The following DAB1 variants were observed in gnomAD, a reference collection of about 807,000 sequenced individuals.
DAB1 encodes the protein disabled homolog 1.
DAB1 carries 15 observed loss-of-function variants against 64.6 expected under a neutral mutation model. That is an observed-to-expected ratio of 0.23 (90% CI 0.16 to 0.36). The LOEUF is 0.36. Ranked by LOEUF, DAB1 falls within the 10% of genes least tolerant of loss-of-function variation. The probability of loss-of-function intolerance (pLI) is 1.00; values close to 1 mark genes in which losing one functional copy is unlikely to be tolerated. For missense variants in DAB1, 596 were observed against 706.7 expected, an observed-to-expected ratio of 0.84 and a Z score of 1.78; for synonymous variants, 235 against 251.9, an observed-to-expected ratio of 0.93 and a Z score of 0.64.
At chr1:57,424,091 A>T (rs1234315809), upstream of DAB1, 12 of 151,620 alleles carry the variant, frequency 7.9e-5, no homozygotes, top group Non-Finnish European at 1.2e-4. Context: ...GCCCCGCGTC[A>T]GAGTAGGGGG....
rs574727735 is a variant in DAB1, at chr1:57,148,602, C to T, written c.68-3173G>A. On this transcript the variant is annotated intron_variant, in intron 2 of 14. Transcript: ENST00000371236. ...GAATCCCAGACTATGTTACTGAAAA[C>T]ACCACTGACCCTCTGCTTCAAGATG... Among the ~76,000 whole-genome samples the T allele has an allele frequency of 5.8e-4, 88 of 152,304 alleles. 1 individual carries two copies. The South Asian group carries it at 0.018, about 31-fold the overall frequency.
At chr1:57,086,642 TAA>T (rs1491139272) in intron 4 of DAB1, among the ~76,000 whole-genome samples, 2 of 74,410 alleles carry the variant, frequency 2.7e-5, no homozygotes, top group African/African-American at 1.2e-4. Flanking sequence ...GGTTCTGTCT[TAA>T]ACACACACAC....
chr1:58,104,314 G>A (rs1190654402), intron 5 of DAB1, among the ~76,000 whole-genome samples: 1 of 152,212 alleles, frequency 6.6e-6, no homozygotes, highest in Non-Finnish European at 1.5e-5. Flanking sequence ...GATTAAGGTG[G>A]AAATGGGGAG....
intron 5 of DAB1, among the ~76,000 whole-genome samples, chr1:57,981,010 G>A (rs1285767293): frequency 6.6e-6 from 1 of 151,728 alleles, no homozygotes; most frequent in African/African-American, 2.4e-5. Context: ...TAATATGACA[G>A]GGAAAGTTCA....
At chr1:57,176,504 G>A (rs190125007) in intron 2 of DAB1, among the ~76,000 whole-genome samples, 13 of 152,220 alleles carry the variant, frequency 8.5e-5, no homozygotes, top group Admixed American at 8.5e-4. Flanking sequence ...CATGGGAATT[G>A]TGGGAGTTAC....
intron 7 of DAB1, among the ~76,000 whole-genome samples, chr1:57,510,577 T>G (rs36043664): frequency 0.11 from 17,475 of 152,174 alleles, 1,401 homozygotes; most frequent in Non-Finnish European, 0.18. Flanking sequence ...GTCTCTAATT[T>G]AATATGCCTT....
chr1:58,368,595 A>ACAGGCCACATT (rs1253361602), intron 3 of DAB1, among the ~76,000 whole-genome samples: 9 of 152,048 alleles, frequency 5.9e-5, no homozygotes, highest in African/African-American at 2.2e-4. Context: ...TAGAATTTTG[A>ACAGGCCACATT]CAGGCCACAT....
At chr1:58,474,412 A>G (rs1645398762) in intron 3 of DAB1, among the ~76,000 whole-genome samples, 1 of 152,094 alleles carries the variant, frequency 6.6e-6, no homozygotes, top group Admixed American at 6.5e-5. Flanking sequence ...AAAAAAAAAA[A>G]GCAACTACTT....
At chr1:58,155,371 G>A (rs545097698) in intron 4 of DAB1, among the ~76,000 whole-genome samples, 2 of 152,188 alleles carry the variant, frequency 1.3e-5, no homozygotes, top group African/African-American at 4.8e-5. Context: ...AGGACAGGGT[G>A]CTGCTGAACA....
chr1:58,480,372 T>C (rs1369853075), intron 3 of DAB1, among the ~76,000 whole-genome samples: 7 of 152,144 alleles, frequency 4.6e-5, no homozygotes, highest in Non-Finnish European at 8.8e-5. Context: ...AAATGCCCTC[T>C]CCCCCAATTC....
chr1:57,537,096 T>TAGACTGTGTTAGATAAAATACGTCAACA (rs1644739088), intron 7 of DAB1, among the ~76,000 whole-genome samples: 1 of 152,236 alleles, frequency 6.6e-6, no homozygotes, highest in Non-Finnish European at 1.5e-5. Flanking sequence ...TGATGTCAGA[T>TAGACTGTGTTAGATAAAATACGTCAACA]AGACTGTGTT....
At chr1:57,506,748 T>C (rs1172503908) in intron 7 of DAB1, among the ~76,000 whole-genome samples, 1 of 152,162 alleles carries the variant, frequency 6.6e-6, no homozygotes, top group Non-Finnish European at 1.5e-5. Context: ...CCCATCTCTG[T>C]CCTCCCAGTT....
chr1:58,235,885 GTCT>G (rs1171540003), intron 4 of DAB1, among the ~76,000 whole-genome samples: 1 of 152,164 alleles, frequency 6.6e-6, no homozygotes, highest in Non-Finnish European at 1.5e-5. Flanking sequence ...AGAGAGAGAG[GTCT>G]TCTTTTTGGA....
intron 2 of DAB1, among the ~76,000 whole-genome samples, chr1:57,228,082 C>G (rs1449302048): frequency 3.3e-5 from 5 of 152,194 alleles, no homozygotes; most frequent in Non-Finnish European, 7.3e-5. Flanking sequence ...TAACCTTTTC[C>G]TCTATCAACA....
At chr1:57,679,516 G>C (rs1045159210) in intron 6 of DAB1, among the ~76,000 whole-genome samples, 4 of 152,200 alleles carry the variant, frequency 2.6e-5, no homozygotes, top group Non-Finnish European at 4.4e-5. Flanking sequence ...ATGCAGGTGA[G>C]ATATGGGAGA....
At chr1:57,036,426 G>A (rs1647153996) in intron 9 of DAB1, among the ~76,000 whole-genome samples, 1 of 152,130 alleles carries the variant, frequency 6.6e-6, no homozygotes, top group South Asian at 2.1e-4. Context: ...ACAGCTACCT[G>A]TTTGGGGCAA....
intron 1 of DAB1, among the ~76,000 whole-genome samples, chr1:57,336,906 G>A (rs537282491): frequency 3.5e-4 from 53 of 152,218 alleles, no homozygotes; most frequent in African/African-American, 8.9e-4. Flanking sequence ...CATGTGACAC[G>A]GCAGGATTGG....
chr1:57,761,937 C>T lies in DAB1; in HGVS notation n.552-112272G>A, dbSNP rs112721226. 2.8e-3 allele frequency among the ~76,000 whole-genome samples: 423 copies of T among 152,184 alleles called. 3 individuals carry two copies. The highest frequency in any genetic ancestry group is 9.2e-3 in the African/African-American group (383 of 41,528). ...ACAACATATGCTCAGCAAAAAATGCCGAAGGGAAGAGTGATTTCTGTACCC... is the reference window on the plus strand; with the variant it reads ...ACAACATATGCTCAGCAAAAAATGCTGAAGGGAAGAGTGATTTCTGTACCC... On this transcript the variant is annotated intron_variant and non_coding_transcript_variant, in intron 6 of 20. Transcript: ENST00000485760.
At chr1:57,194,018 G>A (rs1423713213) in intron 2 of DAB1, among the ~76,000 whole-genome samples, 1 of 152,196 alleles carries the variant, frequency 6.6e-6, no homozygotes, top group Admixed American at 6.5e-5. Context: ...GGGCAGTGCT[G>A]GGCACCTGAG....
Sources: allele counts gnomAD v4.1 joint callset (sites outside exome capture counted in the v4.1 genomes callset), GRCh38; gene constraint gnomAD v4.1.1; transcripts MANE v1.5; gene names NCBI Gene and HGNC (gene_info 2026-07-23, HGNC 2026-07-21).